Variants in CIAPIN1 observed in about 807,000 individuals in gnomAD.
CIAPIN1 encodes anamorsin.
Under a neutral mutation model 34.3 loss-of-function variants are expected in CIAPIN1, and 18 were observed. The ratio of observed to expected loss-of-function variants is 0.52; its 90% CI spans 0.36 to 0.78. The LOEUF is 0.78. Ranked by LOEUF, CIAPIN1 falls within the 30% of genes least tolerant of loss-of-function variation. CIAPIN1 has a pLI of 0.00. For synonymous variants in CIAPIN1, 131 were observed against 140.4 expected (o/e 0.93, Z 0.47); for missense variants, 310 against 372.5 (o/e 0.83, Z 1.38).
chr16:57,433,399 T>C (rs1598023055), intron 5 of CIAPIN1, among the ~76,000 whole-genome samples: 1 of 152,224 alleles, frequency 6.6e-6, no homozygotes, highest in Non-Finnish European at 1.5e-5. Context: ...CTTGAAGATT[T>C]AGGTTAGACA....
At chr16:57,434,243 C>T (rs1395599057) in intron 4 of CIAPIN1, 31 bp from the exon 5 acceptor site, 2 of 1,610,042 alleles carry the variant, frequency 1.2e-6, no homozygotes, top group Non-Finnish European at 1.7e-6. Context: ...AGGATTAGTT[C>T]ACCCTCCTCT....
At chr16:57,441,027 A>G (rs1294752101) in intron 1 of CIAPIN1, 44 bp from the exon 2 acceptor site, 5 of 1,309,574 alleles carry the variant, frequency 3.8e-6, no homozygotes, top group African/African-American at 1.5e-5. Context: ...GATATCATAA[A>G]ATATGATTAG....
In CIAPIN1 at chr16:57,429,204, A is replaced by G. The variant is rs1416564999; in HGVS notation, c.905T>C (p.Val302Ala). ...ATGAAGATTGCTATCACTCAGAAGC[A>G]CCTTTTCCCCAGGTTTGAAGGCTGG... ...GMPAFKPGEK[V>A]LLSDSNLHDA Residue 302 changes from valine to alanine, a missense_variant, in exon 9 of 9, where the codon GTG becomes GCG. Val to Ala is a moderately conservative substitution (Grantham distance 64). Transcript: ENST00000394391. 1 of 1,613,202 alleles carries G rather than the reference A, an allele frequency of 6.2e-7. No individual in the cohort carries two copies. Among genetic ancestry groups the G allele is most frequent in the African/African-American group, 1.3e-5 (1 of 74,886 alleles).
chr16:57,436,509 T>G, intron 4 of CIAPIN1, 147 bp downstream of exon 4: 11 of 458,856 alleles, frequency 2.4e-5, no homozygotes, highest in Non-Finnish European at 3.5e-5. Flanking sequence ...ATTACAGACG[T>G]GAGCCACCAC....
At chr16:57,438,000 T>G (rs1350012396) in intron 3 of CIAPIN1, among the ~76,000 whole-genome samples, 2 of 152,186 alleles carry the variant, frequency 1.3e-5, no homozygotes, top group Non-Finnish European at 2.9e-5. Flanking sequence ...AACTGCAAAG[T>G]GCACAGAAAC....
rs145261024 is a variant in CIAPIN1 at position 57,445,736 on chromosome 16, C to G, written c.-56+1606G>C. Reference sequence around the variant, plus strand: ...CTGCAAATGAGACCTAAGAAACCTACTATGTGCCTGTCCCTACACGGGAGA... The same window carrying G: ...CTGCAAATGAGACCTAAGAAACCTAGTATGTGCCTGTCCCTACACGGGAGA... On this transcript the variant is annotated intron_variant, in intron 1 of 8. Transcript: ENST00000394391. Among the ~76,000 whole-genome samples, 146 of 151,280 alleles carry G rather than the reference C, an allele frequency of 9.7e-4. 1 individual carries two copies. In the East Asian group the frequency reaches 0.027, roughly 28 times the overall value.
At position 57,432,278 on chromosome 16, in the gene CIAPIN1, A is replaced by G. The variant is rs968567634; in HGVS notation, c.630+209T>C. 6.4e-4 allele frequency among the ~76,000 whole-genome samples: 97 copies of G among 152,026 alleles called. 1 individual carries two copies. The highest frequency in any genetic ancestry group is 2.2e-3 in the African/African-American group (92 of 41,418). On this transcript the variant is annotated intron_variant, in intron 6 of 8. Transcript: ENST00000394391. ...CAGTAAGCCGAGATTGTGCCATTGC[A>G]CTCCAGCTTGGGCAAGAGAGCGAGA... is the stretch of plus-strand genomic sequence containing the variant.
chr16:57,429,170 C>T lies in CIAPIN1; in HGVS notation c.939G>A (p.Ter313=). ...AGATGGGTCCCATGTCAGGAACCTC[C>T]TAGGCATCATGAAGATTGCTATCAC... ...LLSDSNLHDA[*] is the part of the protein sequence containing the mutation. The change falls in exon 9 of 9, where the codon TAG becomes TAA. Residue 313 remains the stop codon, a stop_retained_variant. Coordinates refer to ENST00000394391, the MANE Select transcript of CIAPIN1 (RefSeq NM_020313.4). 1 of 1,608,872 alleles carries T rather than the reference C, an allele frequency of 6.2e-7. No individual in the cohort carries two copies. Among genetic ancestry groups the T allele is most frequent in the Non-Finnish European group, 8.5e-7 (1 of 1,176,874 alleles).
chr16:57,429,112 G>A lies in CIAPIN1; in HGVS notation c.*58C>T. On this transcript the variant is annotated 3_prime_UTR_variant, in exon 9 of 9. Coordinates refer to ENST00000394391, the MANE Select transcript of CIAPIN1 (RefSeq NM_020313.4). The stretch of plus-strand genomic sequence containing the variant: ...AGGAGGTGGGAGGAGCCACCATGGT[G>A]GGATGTGAGGGACAGGAGTTGGCTG... 8.5e-7 allele frequency: 1 copy of A among 1,179,340 alleles called. No homozygotes were observed. Among genetic ancestry groups the A allele is most frequent in the Non-Finnish European group, 1.3e-6 (1 of 787,430 alleles). The allele number at this position is 1,179,340 out of a possible 1,614,324, so 73.1% of individuals were successfully genotyped here.
At chr16:57,444,066 C>T (rs979597680) in intron 1 of CIAPIN1, among the ~76,000 whole-genome samples, 3 of 152,160 alleles carry the variant, frequency 2.0e-5, no homozygotes, top group East Asian at 1.9e-4. Flanking sequence ...ATAAAGGAAA[C>T]GAAGGGCAAA....
At chr16:57,445,751 TAC>T (rs1455578122) in intron 1 of CIAPIN1, among the ~76,000 whole-genome samples, 1 of 146,686 alleles carries the variant, frequency 6.8e-6, no homozygotes, top group African/African-American at 2.5e-5. Context: ...TGCCTGTCCC[TAC>T]ACGGGAGACA....
chr16:57,444,339 G>T (rs2029973159), intron 1 of CIAPIN1, among the ~76,000 whole-genome samples: 2 of 152,176 alleles, frequency 1.3e-5, no homozygotes, highest in African/African-American at 4.8e-5. Context: ...AAGGCACTCG[G>T]CAGGCTCTGG....
At chr16:57,437,827 T>C (rs1225592076) in intron 3 of CIAPIN1, among the ~76,000 whole-genome samples, 2 of 152,164 alleles carry the variant, frequency 1.3e-5, no homozygotes, top group African/African-American at 4.8e-5. Context: ...TGCCTGGCCA[T>C]AGCGATACTA....
In CIAPIN1 at chr16:57,429,221, G is replaced by A. The variant is rs1325116665; in HGVS notation, c.888C>T (p.Phe296=). 1.2e-6 allele frequency: 2 copies of A among 1,613,726 alleles called. No individual in the cohort carries two copies. Among genetic ancestry groups the A allele is most frequent in the Non-Finnish European group, 1.7e-6 (2 of 1,180,032 alleles). The change falls in exon 9 of 9, where the codon TTC becomes TTT. Residue 296 remains phenylalanine (F), a synonymous_variant. Coordinates refer to ENST00000394391, the MANE Select transcript of CIAPIN1 (RefSeq NM_020313.4). ...ASCPYLGMPA[F]KPGEKVLLSD... ...TCAGAAGCACCTTTTCCCCAGGTTT[G>A]AAGGCTGGCATCCCAAGGTAGGGGC...
At chr16:57,433,069 T>C (rs1903124257) in intron 5 of CIAPIN1, among the ~76,000 whole-genome samples, 1 of 152,244 alleles carries the variant, frequency 6.6e-6, no homozygotes, top group South Asian at 2.1e-4. Context: ...CCTTCAAAAA[T>C]AGCAGAGCTT....
At chr16:57,434,450 A>C (rs1567571085) in intron 4 of CIAPIN1, among the ~76,000 whole-genome samples, 1 of 152,222 alleles carries the variant, frequency 6.6e-6, no homozygotes. Flanking sequence ...GTACTTAAAA[A>C]ACATTAGGGA....
At position 57,433,778 on chromosome 16, in the gene CIAPIN1, G is replaced by A. The variant is rs1903140624; in HGVS notation, c.556+266C>T. On this transcript the variant is annotated intron_variant, in intron 5 of 8. Coordinates refer to ENST00000394391, the MANE Select transcript of CIAPIN1 (RefSeq NM_020313.4). ...GGAAGGACCTCATTAATTAAACTGT[G>A]TGACTCAGTCCTGTAAAATTAGGAG... 1.1e-5 allele frequency: 4 copies of A among 380,448 alleles called. No homozygotes were observed. The East Asian group carries it at 2.5e-4, about 24-fold the overall frequency. 23.6% of individuals were successfully genotyped at this position (380,448 alleles called of 1,614,324 possible).
At chr16:57,439,042 A>T in intron 3 of CIAPIN1, 140 bp downstream of exon 3, 1 of 809,806 alleles carries the variant, frequency 1.2e-6, no homozygotes, top group South Asian at 2.0e-5. Flanking sequence ...TCAGATTTTA[A>T]CAATAATTTA....
intron 4 of CIAPIN1, among the ~76,000 whole-genome samples, chr16:57,436,259 G>A (rs557996120): frequency 4.6e-5 from 7 of 152,166 alleles, no homozygotes; most frequent in East Asian, 1.9e-4. Context: ...ACAGAGTCTC[G>A]CTCTGTCGCC....
Sources: gnomAD v4.1 joint callset for allele counts (sites outside exome capture counted in the v4.1 genomes callset) on GRCh38, gnomAD v4.1.1 for gene constraint, MANE v1.5 for transcripts, NCBI Gene and HGNC (gene_info 2026-07-23, HGNC 2026-07-21) for gene names.